The following DPP10 variants were observed in gnomAD, a reference collection of about 807,000 sequenced individuals.
DPP10 encodes inactive dipeptidyl peptidase 10.
Under a neutral mutation model 120.9 loss-of-function variants are expected in DPP10, and 33 were observed. The ratio of observed to expected loss-of-function variants is 0.27; its 90% confidence interval spans 0.21 to 0.37. DPP10 has a LOEUF of 0.37. Among genes scored for constraint, DPP10 ranks in the 10% least tolerant of loss-of-function variants. The probability of loss-of-function intolerance (pLI) is 1.00; values close to 1 mark genes in which losing one functional copy is unlikely to be tolerated. For missense variants in DPP10, 816 were observed against 942.8 expected (o/e 0.87, Z 1.76); for synonymous variants, 337 against 326.1 (o/e 1.03, Z -0.36).
Position 115,482,688 on chromosome 2 carries a change from C to T in DPP10, c.272-16822C>T, listed in dbSNP as rs376832711. On this transcript the variant is annotated intron_variant, in intron 3 of 25. Coordinates refer to ENST00000410059, the MANE Select transcript of DPP10 (RefSeq NM_020868.6). ...ATTCATATTTTTAAGGTTTATTCCT[C>T]GTGTACCATGTATCATTCCTTCATT... Among the ~76,000 whole-genome samples, 171 of 152,048 alleles carry T rather than the reference C, an allele frequency of 1.1e-3. 7 individuals are homozygous for T. The South Asian group carries it at 0.034, about 30-fold the overall frequency.
intron 1 of DPP10, among the ~76,000 whole-genome samples, chr2:114,795,276 A>C (rs1683605510): frequency 6.6e-6 from 1 of 151,688 alleles, no homozygotes; most frequent in African/African-American, 2.4e-5. Context: ...TGAGGTGGAG[A>C]GTTTGAGACC....
intron 1 of DPP10, among the ~76,000 whole-genome samples, chr2:114,847,910 T>TAAC (rs983449226): frequency 2.6e-5 from 4 of 152,096 alleles, no homozygotes; most frequent in African/African-American, 9.7e-5. Context: ...GTAATAATAA[T>TAAC]AACAATAATG....
At chr2:115,631,818 ATT>A (rs1023732494) in intron 5 of DPP10, among the ~76,000 whole-genome samples, 60 of 152,134 alleles carry the variant, frequency 3.9e-4, no homozygotes, top group African/African-American at 1.4e-3. Flanking sequence ...GCTGAGGATT[ATT>A]TTACTTCCAA....
intron 1 of DPP10, among the ~76,000 whole-genome samples, chr2:115,123,036 G>A (rs1053127482): frequency 2.6e-5 from 4 of 152,174 alleles, no homozygotes; most frequent in South Asian, 2.1e-4. Flanking sequence ...GCATAGAGGT[G>A]TCTTACCACT....
intron 1 of DPP10, among the ~76,000 whole-genome samples, chr2:114,642,674 A>G (rs1695799228): frequency 6.6e-6 from 1 of 151,742 alleles, no homozygotes; most frequent in South Asian, 2.1e-4. Flanking sequence ...GAGCACAGTG[A>G]TGAAGTGAAA....
intron 5 of DPP10, among the ~76,000 whole-genome samples, chr2:115,568,264 C>A (rs897269817): frequency 6.6e-6 from 1 of 151,642 alleles, no homozygotes; most frequent in Admixed American, 6.6e-5. Flanking sequence ...GCGGGCAGAT[C>A]ACGAGGTCAA....
intron 2 of DPP10, among the ~76,000 whole-genome samples, chr2:115,328,700 T>A (rs1237551941): frequency 1.3e-5 from 2 of 152,100 alleles, no homozygotes; most frequent in African/African-American, 4.8e-5. Context: ...GCAGCATTTT[T>A]CTGGTTGAAG....
chr2:115,146,586 G>A (rs1320990426), intron 1 of DPP10, among the ~76,000 whole-genome samples: 5 of 149,954 alleles, frequency 3.3e-5, no homozygotes, highest in East Asian at 1.9e-4. Flanking sequence ...TTGACAACAG[G>A]GGAAAAAAAA....
intron 3 of DPP10, among the ~76,000 whole-genome samples, chr2:115,493,517 G>GAA (rs35641137): frequency 0.077 from 11,040 of 144,282 alleles, 489 homozygotes; most frequent in Middle Eastern, 0.12. Context: ...AGAGCTGTTG[G>GAA]AAAAAAAAAA....
At position 115,518,916 on chromosome 2, in the gene DPP10, A is replaced by AAT. The variant is rs1252286817; in HGVS notation, c.367-6972_367-6971dup. ...CTTGAAGGTCACAGCACCATTTAAA[A>AAT]ATATATATATACTTGATATAGGATG... On this transcript the variant is annotated intron_variant, in intron 4 of 25. Transcript: ENST00000410059. Among the ~76,000 whole-genome samples, 207 of 152,186 alleles carry AAT rather than the reference A, an allele frequency of 1.4e-3. 3 individuals are homozygous for AAT. The highest frequency in any genetic ancestry group is 0.013 in the Admixed American group (204 of 15,272).
intron 1 of DPP10, among the ~76,000 whole-genome samples, chr2:115,201,552 C>T (rs1042239246): frequency 2.2e-4 from 33 of 152,174 alleles, no homozygotes; most frequent in South Asian, 1.9e-3. Context: ...ACTTCGCAGT[C>T]GATGAAGCCT....
intron 1 of DPP10, among the ~76,000 whole-genome samples, chr2:114,856,233 C>G (rs1457176763): frequency 4.6e-5 from 7 of 152,066 alleles, no homozygotes; most frequent in African/African-American, 1.7e-4. Flanking sequence ...CAATGGCTGA[C>G]TTCTTAGAAC....
intron 3 of DPP10, among the ~76,000 whole-genome samples, chr2:115,474,741 A>G (rs1183846240): frequency 6.6e-6 from 1 of 152,112 alleles, no homozygotes. Context: ...AAAAAAAAAA[A>G]AAGCCCATTT....
intron 5 of DPP10, among the ~76,000 whole-genome samples, chr2:115,534,172 C>T (rs1364768907): frequency 6.6e-6 from 1 of 151,694 alleles, no homozygotes; most frequent in South Asian, 2.1e-4. Context: ...AGGTTAGTTA[C>T]ATACGTATAC....
At chr2:115,391,303 T>A (rs1467371480) in intron 3 of DPP10, among the ~76,000 whole-genome samples, 1 of 152,178 alleles carries the variant, frequency 6.6e-6, no homozygotes, top group African/African-American at 2.4e-5. Flanking sequence ...TATGAAGTCC[T>A]TACTACTGGA....
intron 3 of DPP10, among the ~76,000 whole-genome samples, chr2:115,452,678 C>T (rs565470699): frequency 6.6e-6 from 1 of 151,902 alleles, no homozygotes; most frequent in East Asian, 1.9e-4. Flanking sequence ...CTTTTTTTAA[C>T]TTTTACATGT....
chr2:114,834,960 T>C (rs1687572402), intron 1 of DPP10, among the ~76,000 whole-genome samples: 1 of 148,970 alleles, frequency 6.7e-6, no homozygotes, highest in Admixed American at 6.7e-5. Flanking sequence ...ATATAAGCCA[T>C]ATCTACACAC....
chr2:114,480,062 A>G (rs1680881236), intron 1 of DPP10, among the ~76,000 whole-genome samples: 1 of 152,180 alleles, frequency 6.6e-6, no homozygotes, highest in Non-Finnish European at 1.5e-5. Context: ...ATATGAACAG[A>G]CATTTCTCAA....
chr2:114,881,114 T>G lies in DPP10; in HGVS notation c.61-428125T>G, dbSNP rs991761207. On this transcript the variant is annotated intron_variant, in intron 1 of 25. Coordinates refer to ENST00000410059, the MANE Select transcript of DPP10 (RefSeq NM_020868.6). ...TGGGTGATGCATTCATCTATACACATAAACATGAAGATCTAGGAAATGATT... is the reference window on the plus strand; with the variant it reads ...TGGGTGATGCATTCATCTATACACAGAAACATGAAGATCTAGGAAATGATT... Among the ~76,000 whole-genome samples the G allele has an allele frequency of 2.4e-4, 36 of 152,126 alleles. 1 individual carries two copies. The highest frequency in any genetic ancestry group is 2.0e-3 in the Admixed American group (30 of 15,248).
Sources: allele counts gnomAD v4.1 joint callset (sites outside exome capture counted in the v4.1 genomes callset), GRCh38; gene constraint gnomAD v4.1.1; transcripts MANE v1.5; gene names NCBI Gene and HGNC (gene_info 2026-07-23, HGNC 2026-07-21).